Variants in ZFHX3 observed in about 807,000 individuals in gnomAD.
ZFHX3 encodes the protein zinc finger homeobox 3, also known as zinc finger homeobox protein 3.
In ZFHX3, 42 loss-of-function variants were observed where a neutral mutation model predicts 279.1. The observed-to-expected ratio is 0.15, with a 90% CI of 0.12 to 0.19. The LOEUF (loss-of-function observed/expected upper bound fraction) is 0.19, where lower values mean the gene tolerates loss of function less well. ZFHX3 is among the 10% of genes least tolerant of loss of function. The pLI is 1.00. For missense variants in ZFHX3, 4,981 were observed against 4,754.0 expected (o/e 1.05, Z -1.40); for synonymous variants, 2,293 against 1,957.8 (o/e 1.17, Z -4.52).
chr16:73,629,326 G>A (rs1364727919), intron 2 of ZFHX3, among the ~76,000 whole-genome samples: 1 of 152,044 alleles, frequency 6.6e-6, no homozygotes, highest in Non-Finnish European at 1.5e-5. Flanking sequence ...AGTAAGCAGA[G>A]GAGTCTGACT....
chr16:73,738,681 G>C (rs115464554), intron 1 of ZFHX3, among the ~76,000 whole-genome samples: 309 of 152,264 alleles, frequency 2.0e-3, no homozygotes, highest in African/African-American at 7.0e-3. Flanking sequence ...ACATAATGTA[G>C]AACTCTCGTG....
chr16:73,507,190 T>C (rs2019341853), intron 2 of ZFHX3, among the ~76,000 whole-genome samples: 2 of 152,204 alleles, frequency 1.3e-5, no homozygotes, highest in African/African-American at 2.4e-5. Flanking sequence ...TGTTTTATTT[T>C]GTGGGGAGAA....
chr16:72,864,172 C>T (rs909145470), intron 4 of ZFHX3, among the ~76,000 whole-genome samples: 12 of 152,078 alleles, frequency 7.9e-5, no homozygotes, highest in African/African-American at 2.7e-4. Flanking sequence ...ACCTCAACAA[C>T]CCCTAGTCAC....
At chr16:73,349,401 C>A (rs1316217002) in intron 3 of ZFHX3, among the ~76,000 whole-genome samples, 2 of 152,208 alleles carry the variant, frequency 1.3e-5, no homozygotes, top group African/African-American at 4.8e-5. Flanking sequence ...TTTGTGAGAT[C>A]CCATACAGTG....
chr16:73,225,657 A>C (rs1453458932), intron 5 of ZFHX3, among the ~76,000 whole-genome samples: 3 of 152,244 alleles, frequency 2.0e-5, no homozygotes, highest in Non-Finnish European at 4.4e-5. Context: ...CATATCCGCC[A>C]CAAGCTGTTC....
intron 4 of ZFHX3, among the ~76,000 whole-genome samples, chr16:73,282,493 C>A (rs1322627685): frequency 6.6e-6 from 1 of 152,164 alleles, no homozygotes; most frequent in South Asian, 2.1e-4. Flanking sequence ...TTCTCTACTT[C>A]AGGAACATCA....
intron 1 of ZFHX3, among the ~76,000 whole-genome samples, chr16:73,771,207 A>T (rs1465552306): frequency 6.6e-6 from 1 of 152,174 alleles, no homozygotes; most frequent in Non-Finnish European, 1.5e-5. Context: ...GATGATCCCT[A>T]CCAATGTTAC....
rs142552847 is a variant in ZFHX3 at position 73,165,073 on chromosome 16, G to T, written c.-1103-21242C>A. Among the ~76,000 whole-genome samples the T allele has an allele frequency of 2.0e-5, 3 of 152,302 alleles. No individual in the cohort carries two copies. In the East Asian group the frequency reaches 5.8e-4, roughly 29 times the overall value. On this transcript the variant is annotated intron_variant, in intron 5 of 17. Transcript: ENST00000641206. The stretch of plus-strand genomic sequence containing the variant: ...AAGATGCTATGCATAAACTGCACAG[G>T]AAACGTCCATGCTCTTTGACATGAC...
chr16:73,369,536 G>A (rs1372020511), intron 3 of ZFHX3, among the ~76,000 whole-genome samples: 1 of 152,136 alleles, frequency 6.6e-6, no homozygotes, highest in Non-Finnish European at 1.5e-5. Flanking sequence ...TCAGTAAAAT[G>A]GAGACCATTC....
At chr16:72,846,303 G>C (rs1318607742) in intron 4 of ZFHX3, among the ~76,000 whole-genome samples, 1 of 152,228 alleles carries the variant, frequency 6.6e-6, no homozygotes, top group South Asian at 2.1e-4. Flanking sequence ...TGAGCCACAG[G>C]AGGCTCACAT....
chr16:73,254,611 T>G (rs748285664), intron 5 of ZFHX3, among the ~76,000 whole-genome samples: 8 of 152,032 alleles, frequency 5.3e-5, no homozygotes, highest in Non-Finnish European at 1.2e-4. Context: ...GGCAGCATCT[T>G]ATATAAGTCT....
At chr16:73,891,242 C>T (rs919550676) in intron 1 of ZFHX3, among the ~76,000 whole-genome samples, 23 of 152,110 alleles carry the variant, frequency 1.5e-4, no homozygotes, top group Non-Finnish European at 2.8e-4. Flanking sequence ...ACCTCTCCCC[C>T]CAGCTCTCTT....
intron 1 of ZFHX3, among the ~76,000 whole-genome samples, chr16:73,790,656 G>C (rs1363075274): frequency 6.6e-6 from 1 of 152,214 alleles, no homozygotes; most frequent in Non-Finnish European, 1.5e-5. Flanking sequence ...CCAAATGCAA[G>C]GCTGGTGGCC....
chr16:73,654,225 A>T (rs992346527), intron 2 of ZFHX3, among the ~76,000 whole-genome samples: 1 of 151,956 alleles, frequency 6.6e-6, no homozygotes, highest in Non-Finnish European at 1.5e-5. Context: ...GTTACAAAAA[A>T]CTTCCTCTCA....
At chr16:73,055,906 T>C (rs1413125174) in intron 1 of ZFHX3, among the ~76,000 whole-genome samples, 2 of 152,050 alleles carry the variant, frequency 1.3e-5, no homozygotes, top group Non-Finnish European at 2.9e-5. Flanking sequence ...AGACTTTGTA[T>C]GTTTAAAAAG....
intron 3 of ZFHX3, among the ~76,000 whole-genome samples, chr16:73,444,482 A>C (rs2018147603): frequency 6.6e-6 from 1 of 152,184 alleles, no homozygotes; most frequent in African/African-American, 2.4e-5. Context: ...CTTTTTAACC[A>C]CAAGGTCAGA....
intron 4 of ZFHX3, among the ~76,000 whole-genome samples, chr16:72,861,711 T>G (rs992340563): frequency 6.6e-6 from 1 of 152,112 alleles, no homozygotes; most frequent in Non-Finnish European, 1.5e-5. Context: ...TTTGTAAAAT[T>G]TGCACAAGAA....
chr16:72,884,459 A>C (rs1354542179), intron 4 of ZFHX3, among the ~76,000 whole-genome samples: 3 of 152,218 alleles, frequency 2.0e-5, no homozygotes, highest in African/African-American at 7.2e-5. Flanking sequence ...CCATATTGAG[A>C]GTGCAGAGGA....
rs368597124 is a variant in ZFHX3 at position 73,334,810 on chromosome 16, C to CTTTTTTTTTTTTTTTTTTTTTTTT, written c.-1290-16498_-1290-16475dup. On this transcript the variant is annotated intron_variant, in intron 3 of 17. Coordinates refer to the ZFHX3 transcript ENST00000641206. The stretch of plus-strand genomic sequence containing the variant: ...TCTTTTCCTCCTTTTCTTTCTCATT[C>CTTTTTTTTTTTTTTTTTTTTTTTT]TTTTTTTTTTTTTTTTTTTTTTTTT... Among the ~76,000 whole-genome samples, 24 of 57,916 alleles carry CTTTTTTTTTTTTTTTTTTTTTTTT rather than the reference C, an allele frequency of 4.1e-4. 2 individuals are homozygous for CTTTTTTTTTTTTTTTTTTTTTTTT. Among genetic ancestry groups the CTTTTTTTTTTTTTTTTTTTTTTTT allele is most frequent in the Admixed American group, 1.3e-3 (5 of 3,834 alleles). 38.0% of individuals were successfully genotyped at this position (57,916 alleles called of 152,430 possible).
Sources: gnomAD v4.1 joint callset for allele counts (sites outside exome capture counted in the v4.1 genomes callset) on GRCh38, gnomAD v4.1.1 for gene constraint, MANE v1.5 for transcripts, NCBI Gene and HGNC (gene_info 2026-07-23, HGNC 2026-07-21) for gene names.